The following ANKRD24 variants were observed in gnomAD, a reference collection of about 807,000 sequenced individuals.
ANKRD24 encodes the protein ankyrin repeat domain 24.
In ANKRD24, 109 loss-of-function variants were observed where a neutral mutation model predicts 127.8. The ratio of observed to expected loss-of-function variants is 0.85; its 90% CI spans 0.73 to 1.00. The LOEUF is 1.00. Ranked by LOEUF, ANKRD24 falls within the 50% of genes least tolerant of loss-of-function variation. The pLI is 0.00. For missense variants in ANKRD24, 1,648 were observed against 1,570.2 expected (o/e 1.05, Z -0.84); for synonymous variants, 743 against 671.1 (o/e 1.11, Z -1.66).
chr19:4,217,063 G>A lies in ANKRD24; in HGVS notation c.1903G>A (p.Val635Met), dbSNP rs746030142. ...GGCCACAGACACAGAGACCACGGGAGTGGAGGCCATGGGGGTGGAGGCCAC... is the reference window on the plus strand; with the variant it reads ...GGCCACAGACACAGAGACCACGGGAATGGAGGCCATGGGGGTGGAGGCCAC... ...AQATDTETTG[V>M]EAMGVEATKT... The change falls in exon 18 of 22, where the codon GTG becomes ATG. Residue 635 changes from valine to methionine, a missense_variant. By Grantham distance (21) the Val-to-Met change is conservative (BLOSUM62 1). Coordinates refer to ENST00000318934, the MANE Select transcript of ANKRD24 (RefSeq NM_001393985.1). The A allele has an allele frequency of 1.2e-6, 2 of 1,613,716 alleles. No homozygotes were observed. The highest frequency in any genetic ancestry group is 1.7e-5 in the Admixed American group (1 of 59,962).
chr19:4,198,038 G>T lies in ANKRD24; in HGVS notation c.37-1645G>T. On this transcript the variant is annotated intron_variant, in intron 2 of 21. Transcript: ENST00000318934. The surrounding 1 kb of genome is among the most constrained non-coding windows in gnomAD (Gnocchi z 6.1). Reference sequence around the variant, plus strand: ...GTGAGTGGCGAGAGCCCTGCCGGCCGCGTGGAGGTGCGAGGCTGCGGACGT... The same window carrying T: ...GTGAGTGGCGAGAGCCCTGCCGGCCTCGTGGAGGTGCGAGGCTGCGGACGT... The T allele has an allele frequency of 2.4e-6, 1 of 409,528 alleles. No homozygotes were observed. The highest frequency in any genetic ancestry group is 7.9e-5 in the South Asian group (1 of 12,622). The allele number at this position is 409,528 out of a possible 1,614,324, so 25.4% of individuals were successfully genotyped here.
chr19:4,219,742 A>C lies in ANKRD24; in HGVS notation c.3155A>C (p.Lys1052Thr). The C allele has an allele frequency of 6.2e-7, 1 of 1,608,988 alleles. No homozygotes were observed. The highest frequency in any genetic ancestry group is 1.7e-5 in the Admixed American group (1 of 59,002). ...SRAQEALDKA[K>T]EKDKKITELS... ...GCCCAGGAGGCTCTGGACAAGGCCA[A>C]GGAGAAGGACAAGAAGGTGGGTGCC... The change falls in exon 19 of 22, where the codon AAG (lysine) becomes ACG (threonine). Residue 1052 changes from lysine to threonine, a missense_variant. Physicochemically the swap from Lys to Thr is moderately conservative, Grantham distance 78. Coordinates refer to ENST00000318934, the MANE Select transcript of ANKRD24 (RefSeq NM_001393985.1).
chr19:4,202,136 C>T, intron 6 of ANKRD24, 46 bp downstream of exon 6: 1 of 1,558,908 alleles, frequency 6.4e-7, no homozygotes, highest in East Asian at 2.2e-5. Flanking sequence ...CCCTACTACT[C>T]CTGAGTTCCA....
rs1344543876 is a variant in ANKRD24, at chr19:4,207,801, G to A, written c.665G>A (p.Cys222Tyr). ...LQGRTALMLACEGASPETVEV... is the reference protein window; with the variant it reads ...LQGRTALMLAYEGASPETVEV... ...GGTAGGACGGCCCTGATGCTGGCCTGTGAGGGGGCCAGCCCCGAAACAGTG... is the reference window on the plus strand; with the variant it reads ...GGTAGGACGGCCCTGATGCTGGCCTATGAGGGGGCCAGCCCCGAAACAGTG... The change falls in exon 10 of 22, where the codon TGT becomes TAT. Residue 222 changes from cysteine (C) to tyrosine (Y), a missense_variant. Cys to Tyr is a radical substitution (Grantham distance 194). Coordinates refer to ENST00000318934, the MANE Select transcript of ANKRD24 (RefSeq NM_001393985.1). 1.3e-6 allele frequency: 2 copies of A among 1,573,258 alleles called. No individual in the cohort carries two copies. Among genetic ancestry groups the A allele is most frequent in the Non-Finnish European group, 1.7e-6 (2 of 1,160,486 alleles).
Position 4,202,894 on chromosome 19 carries a change from A to T in ANKRD24, c.434A>T (p.Asp145Val). ...GCTTCCTGCGTGGTGGACGTCGTGG[A>T]CAGCAGCGGGTGGACTGCCCTACAC... ...LQASCVVDVV[D>V]SSGWTALHHA... The change falls in exon 7 of 22, where the codon GAC (aspartate) becomes GTC (valine). Residue 145 changes from aspartate to valine, a missense_variant. Physicochemically the swap from Asp to Val is radical, Grantham distance 152. Transcript: ENST00000318934. 1 of 1,590,364 alleles carries T rather than the reference A, an allele frequency of 6.3e-7. No homozygotes were observed. Among genetic ancestry groups the T allele is most frequent in the Non-Finnish European group, 8.6e-7 (1 of 1,168,728 alleles).
chr19:4,215,964 C>T lies in ANKRD24; in HGVS notation c.1198-14C>T. 1.9e-6 allele frequency: 3 copies of T among 1,573,984 alleles called. No homozygotes were observed. Among genetic ancestry groups the T allele is most frequent in the Non-Finnish European group, 1.7e-6 (2 of 1,160,764 alleles). ...GAGCAGAACCCCGAGCTGGACTCTG[C>T]TCCCTCCCCCCAGAACGAGCGGGAG... On this transcript the variant is annotated splice_polypyrimidine_tract_variant and intron_variant, in intron 15 of 21. Coordinates refer to ENST00000318934, the MANE Select transcript of ANKRD24 (RefSeq NM_001393985.1).
At chr19:4,218,590 G>A (rs932984213) in intron 18 of ANKRD24, among the ~76,000 whole-genome samples, 3 of 151,856 alleles carry the variant, frequency 2.0e-5, no homozygotes, top group Non-Finnish European at 4.4e-5. Flanking sequence ...ATCAGCCTCC[G>A]CACCTGGCCT....
At chr19:4,209,098 C>G (rs1385911295) in intron 11 of ANKRD24, 1 of 297,444 alleles carries the variant, frequency 3.4e-6, no homozygotes, top group African/African-American at 2.2e-5. Flanking sequence ...GCCTCTTCCC[C>G]TCTTTCAGTT....
In ANKRD24 at chr19:4,186,365, T is replaced by C. The variant is rs80002546; in HGVS notation, c.-36-25T>C. 8.0e-4 allele frequency: 1,241 copies of C among 1,556,674 alleles called. 13 individuals carry two copies. In the African/African-American group the frequency reaches 0.015, roughly 19 times the overall value. On this transcript the variant is annotated intron_variant, in intron 1 of 21. Coordinates refer to ENST00000318934, the MANE Select transcript of ANKRD24 (RefSeq NM_001393985.1). ...CCCACCAGGACTGGTGTCCCTCACC[T>C]TACCCCCACCCTTGCCCTCCTCAGG...
In ANKRD24 at chr19:4,199,899, G is replaced by A. The variant is rs759638557; in HGVS notation, c.148G>A (p.Glu50Lys). Residue 50 changes from glutamate to lysine, a missense_variant, in exon 4 of 22, where the codon GAG (glutamate) becomes AAG (lysine). By Grantham distance (56) the Glu-to-Lys change is moderately conservative. Transcript: ENST00000318934. The surrounding 1 kb of genome is among the most constrained non-coding windows in gnomAD (Gnocchi z 5.2). ...GAGTCAAGACTGGGGCAAGAGTGAC[G>A]AGAGGCTGCTACAAGCCGTGGAAAA... ...RQSQDWGKSD[E>K]RLLQAVENND... is the part of the protein sequence containing the mutation. 6.4e-6 allele frequency: 10 copies of A among 1,570,828 alleles called. No individual in the cohort carries two copies. The highest frequency in any genetic ancestry group is 2.4e-5 in the East Asian group (1 of 42,008).
chr19:4,210,113 C>T lies in ANKRD24; in HGVS notation c.926C>T (p.Pro309Leu). 1 of 1,610,928 alleles carries T rather than the reference C, an allele frequency of 6.2e-7. No individual in the cohort carries two copies. The highest frequency in any genetic ancestry group is 1.1e-5 in the South Asian group (1 of 90,444). The change falls in exon 12 of 22, where the codon CCA becomes CTA. Residue 309 changes from proline to leucine, a missense_variant. Pro to Leu is a moderately conservative substitution (Grantham distance 98). Transcript: ENST00000318934. Reference protein sequence around the residue: ...QGAPKKRKAPPPPASIPMPDD... With the variant: ...QGAPKKRKAPLPPASIPMPDD... Reference sequence around the variant, plus strand: ...GCCCCCAAGAAGCGGAAGGCGCCTCCACCTCCCGCCAGCATTCCCATGCCG... The same window carrying T: ...GCCCCCAAGAAGCGGAAGGCGCCTCTACCTCCCGCCAGCATTCCCATGCCG...
chr19:4,203,252 G>A (rs184024037), intron 7 of ANKRD24, among the ~76,000 whole-genome samples: 2 of 152,020 alleles, frequency 1.3e-5, no homozygotes, highest in Admixed American at 6.6e-5. Context: ...TTTCACCATG[G>A]TGGCCAGGAT....
At chr19:4,208,994 T>A in intron 11 of ANKRD24, 193 bp downstream of exon 11, 2 of 505,290 alleles carry the variant, frequency 4.0e-6, no homozygotes, top group East Asian at 3.8e-5. Context: ...TGGGTGAGAA[T>A]ACTGGATGGG....
intron 2 of ANKRD24, among the ~76,000 whole-genome samples, chr19:4,188,029 A>G (rs532627914): frequency 1.3e-5 from 2 of 152,244 alleles, no homozygotes; most frequent in Admixed American, 1.3e-4. Flanking sequence ...ATTTTTGAAA[A>G]GCCAAAAAGA....
chr19:4,190,175 T>C (rs1187921967), intron 2 of ANKRD24, among the ~76,000 whole-genome samples: 1 of 151,820 alleles, frequency 6.6e-6, no homozygotes, highest in Non-Finnish European at 1.5e-5. Flanking sequence ...GTGGCTCACA[T>C]CTGTAATCCC....
In ANKRD24 at chr19:4,210,378, G is replaced by A; in HGVS notation, c.1059+6G>A. On this transcript the variant is annotated splice_donor_region_variant and intron_variant, in intron 13 of 21. Coordinates refer to ENST00000318934, the MANE Select transcript of ANKRD24 (RefSeq NM_001393985.1). ...AGGAACGGAGGCAGCAGGAGGTTAG[G>A]AGGCCTCGGAGATTTGGGCGTGGGC... 8 of 1,530,096 alleles carry A rather than the reference G, an allele frequency of 5.2e-6. No homozygotes were observed. The highest frequency in any genetic ancestry group is 2.5e-5 in the East Asian group (1 of 40,712). The allele number at this position is 1,530,096 out of a possible 1,614,324, so 94.8% of individuals were successfully genotyped here. A position where few individuals can be genotyped will look rare whatever the true frequency, so the allele number is the denominator to read the frequency against.
chr19:4,200,207 C>G (rs779805512), intron 5 of ANKRD24, 36 bp downstream of exon 5: 12 of 1,557,510 alleles, frequency 7.7e-6, no homozygotes, highest in South Asian at 7.0e-5. Flanking sequence ...GGAGGAGGAA[C>G]TAAGCCCAGG....
chr19:4,187,419 GAAAAAA>G (rs573288227), intron 2 of ANKRD24, among the ~76,000 whole-genome samples: 2 of 138,240 alleles, frequency 1.4e-5, no homozygotes, highest in African/African-American at 2.7e-5. Context: ...TCTCAAAAAA[GAAAAAA>G]AAAAGAAAAA....
intron 2 of ANKRD24, among the ~76,000 whole-genome samples, chr19:4,193,213 A>T (rs1968480850): frequency 6.9e-6 from 1 of 145,720 alleles, no homozygotes; most frequent in African/African-American, 2.6e-5. Flanking sequence ...GAGGCAGGAG[A>T]ATCGCTTGAA....
Sources: gnomAD v4.1 joint callset for allele counts (sites outside exome capture counted in the v4.1 genomes callset) on GRCh38, gnomAD v4.1.1 for gene constraint, Gnocchi (gnomAD v3.1) non-coding constraint, MANE v1.5 for transcripts, NCBI Gene and HGNC (gene_info 2026-07-23, HGNC 2026-07-21) for gene names.